POLA1: variants seen among roughly 807,000 people sequenced by gnomAD.
The protein encoded by POLA1 is DNA polymerase alpha catalytic subunit.
POLA1 carries 15 observed loss-of-function variants against 124.0 expected under a neutral mutation model. The observed-to-expected ratio is 0.12, with a 90% CI of 0.08 to 0.19. POLA1 has a LOEUF of 0.19. Ranked by LOEUF, POLA1 falls within the 10% of genes least tolerant of loss-of-function variation. POLA1 has a pLI of 1.00. For synonymous variants in POLA1, 408 were observed against 389.4 expected (o/e 1.05, Z -0.56); for missense variants, 886 against 1,103.4 (o/e 0.80, Z 2.79).
chrX:24,865,001 A>G (rs1416721756), intron 34 of POLA1, among the ~76,000 whole-genome samples: 1 of 111,486 alleles, frequency 9.0e-6, no homozygotes, highest in Non-Finnish European at 1.9e-5. Flanking sequence ...TATTTTTTCC[A>G]TTTTTACAGG....
intron 26 of POLA1, among the ~76,000 whole-genome samples, chrX:24,751,476 TG>T (rs1307806629): frequency 2.7e-5 from 3 of 112,033 alleles, no homozygotes; most frequent in Non-Finnish European, 5.6e-5. Context: ...TAGAACTACT[TG>T]TTTGTGATTT....
chrX:24,814,957 GTTTTT>G lies in POLA1; in HGVS notation c.3297-9_3297-5del. Reference sequence around the variant, plus strand: ...AAAAATCAACTGCTGTCTTTGTTTTGTTTTTTTTTTTTTTTTTGCAGCTTTGTGAT... The same window carrying G: ...AAAAATCAACTGCTGTCTTTGTTTTGTTTTTTTTTTTTGCAGCTTTGTGAT... On this transcript the variant is annotated splice_polypyrimidine_tract_variant and intron_variant, in intron 29 of 36. Coordinates refer to ENST00000379068, the MANE Select transcript of POLA1 (RefSeq NM_001330360.2). The G allele has an allele frequency of 2.7e-5, 23 of 857,224 alleles. No homozygotes were observed. The highest frequency in any genetic ancestry group is 4.6e-5 in the Admixed American group (1 of 21,725). The allele number at this position is 857,224 out of a possible 1,213,427, so 70.6% of individuals were successfully genotyped here.
In POLA1 at chrX:24,700,665, C is replaced by T. The variant is rs752756863; in HGVS notation, c.168+1116C>T. ...CTGGGATTACAGGCGCCCACCACCACGCCTGGCTAATTTTTGTATTTTTAG... is the reference window on the plus strand; with the variant it reads ...CTGGGATTACAGGCGCCCACCACCATGCCTGGCTAATTTTTGTATTTTTAG... On this transcript the variant is annotated intron_variant, in intron 2 of 36. Coordinates refer to ENST00000379068, the MANE Select transcript of POLA1 (RefSeq NM_001330360.2). Among the ~76,000 whole-genome samples the T allele has an allele frequency of 1.9e-3, 211 of 111,526 alleles. 1 individual carries two copies. Among genetic ancestry groups the T allele is most frequent in the African/African-American group, 6.5e-3 (200 of 30,691 alleles).
intron 32 of POLA1, among the ~76,000 whole-genome samples, chrX:24,839,238 T>C (rs1353886366): frequency 9.0e-6 from 1 of 111,615 alleles, no homozygotes; most frequent in Admixed American, 9.5e-5. Flanking sequence ...TATTTTTACA[T>C]TTTAGCATTG....
At chrX:24,985,440 T>A (rs1300901845) in intron 36 of POLA1, among the ~76,000 whole-genome samples, 1 of 112,915 alleles carries the variant, frequency 8.9e-6, no homozygotes, top group African/African-American at 3.2e-5. Context: ...TAACCCCCCA[T>A]TTGGAAGTCA....
At chrX:24,937,559 A>G (rs1255646699) in intron 36 of POLA1, among the ~76,000 whole-genome samples, 2 of 112,312 alleles carry the variant, frequency 1.8e-5, no homozygotes, top group East Asian at 5.5e-4. Flanking sequence ...AAAATAACAT[A>G]GAAATGAACC....
At chrX:24,834,111 GAAAAA>G (rs34596461) in intron 32 of POLA1, among the ~76,000 whole-genome samples, 1 of 71,427 alleles carries the variant, frequency 1.4e-5, no homozygotes, top group African/African-American at 5.3e-5. Context: ...GTCTCAGAAA[GAAAAA>G]AAAAAAAAAA....
intron 26 of POLA1, among the ~76,000 whole-genome samples, chrX:24,802,181 C>G (rs2045725523): frequency 9.0e-6 from 1 of 110,868 alleles, no homozygotes; most frequent in Admixed American, 9.6e-5. Context: ...TCAAAGTCAA[C>G]TGATTTAAAT....
intron 26 of POLA1, among the ~76,000 whole-genome samples, chrX:24,798,581 TAAG>T (rs1415530687): frequency 3.6e-5 from 4 of 111,203 alleles, no homozygotes; most frequent in African/African-American, 1.3e-4. Flanking sequence ...CTTCATATTG[TAAG>T]AAGAACAATT....
rs376554613 is a variant in POLA1, at chrX:24,747,655, T to C, written c.2692-656T>C. 4.9e-4 allele frequency among the ~76,000 whole-genome samples: 54 copies of C among 111,074 alleles called. No homozygotes were observed. In the South Asian group the frequency reaches 0.015, roughly 31 times the overall value. ...TCCTGGAGGTCTGTCTTAGTGTTTGTATTTTAAAAACAATTTCCCCAAACA... is the reference window on the plus strand; with the variant it reads ...TCCTGGAGGTCTGTCTTAGTGTTTGCATTTTAAAAACAATTTCCCCAAACA... On this transcript the variant is annotated intron_variant, in intron 24 of 36. Coordinates refer to ENST00000379068, the MANE Select transcript of POLA1 (RefSeq NM_001330360.2).
intron 1 of POLA1, 64 bp from the exon 2 acceptor site, chrX:24,699,361 G>T: frequency 1.0e-6 from 1 of 960,633 alleles, no homozygotes; most frequent in Non-Finnish European, 1.4e-6. Flanking sequence ...CTTTTCCTTT[G>T]TGTTTGAGGG....
At chrX:24,838,633 A>G in intron 32 of POLA1, among the ~76,000 whole-genome samples, 1 of 112,937 alleles carries the variant, frequency 8.9e-6, no homozygotes. Context: ...TCTTGCTCAA[A>G]GACTAATGTA....
intron 19 of POLA1, 128 bp from the exon 20 acceptor site, chrX:24,739,247 A>G (rs1931487128): frequency 2.1e-6 from 1 of 481,697 alleles, no homozygotes; most frequent in Non-Finnish European, 3.6e-6. Flanking sequence ...ATGTTCAAAA[A>G]TATTTGATTG....
At chrX:24,822,101 C>T (rs928469415) in intron 31 of POLA1, among the ~76,000 whole-genome samples, 3 of 110,396 alleles carry the variant, frequency 2.7e-5, no homozygotes, top group African/African-American at 6.6e-5. Context: ...CTTCCTTCTC[C>T]GTTTCACAAG....
intron 35 of POLA1, among the ~76,000 whole-genome samples, chrX:24,910,853 A>G (rs1253379874): frequency 8.9e-6 from 1 of 112,168 alleles, no homozygotes; most frequent in Admixed American, 9.5e-5. Context: ...TGCTGGACAT[A>G]AAATCAGGGA....
chrX:24,889,645 C>T (rs760318554), intron 35 of POLA1, among the ~76,000 whole-genome samples: 6 of 112,043 alleles, frequency 5.4e-5, no homozygotes, highest in Non-Finnish European at 1.1e-4. Context: ...TCAAATTTTC[C>T]TGCTGAAAAG....
At chrX:24,899,577 T>G (rs1434745579) in intron 35 of POLA1, among the ~76,000 whole-genome samples, 2 of 111,497 alleles carry the variant, frequency 1.8e-5, no homozygotes, top group Non-Finnish European at 3.8e-5. Flanking sequence ...TAGATGTCAC[T>G]CCCAAACAAA....
intron 35 of POLA1, among the ~76,000 whole-genome samples, chrX:24,913,628 C>T (rs1173669725): frequency 8.2e-5 from 9 of 109,872 alleles, no homozygotes; most frequent in Admixed American, 3.9e-4. Context: ...GCAGGAGAAT[C>T]GCTTAAACCC....
chrX:24,862,431 C>T (rs2046729685), intron 34 of POLA1, among the ~76,000 whole-genome samples: 1 of 111,809 alleles, frequency 8.9e-6, no homozygotes, highest in Non-Finnish European at 1.9e-5. Context: ...TTAAGCCTTT[C>T]AATGACTTTG....
Sources: gnomAD v4.1 joint callset for allele counts (sites outside exome capture counted in the v4.1 genomes callset) on GRCh38, gnomAD v4.1.1 for gene constraint, MANE v1.5 for transcripts, NCBI Gene and HGNC (gene_info 2026-07-23, HGNC 2026-07-21) for gene names.